The following MAB21L4 variants were observed in gnomAD, a reference collection of about 807,000 sequenced individuals.
The protein encoded by MAB21L4 is mab-21 like 4.
Under a neutral mutation model 32.4 loss-of-function variants are expected in MAB21L4, and 25 were observed. The ratio of observed to expected loss-of-function variants is 0.77; its 90% CI spans 0.56 to 1.08. MAB21L4 has a LOEUF of 1.08. Ranked by LOEUF, MAB21L4 falls within the 50% of genes least tolerant of loss-of-function variation. The pLI, the probability that MAB21L4 is intolerant of heterozygous loss-of-function variation, is 0.00. For missense variants in MAB21L4, 638 were observed against 611.0 expected (o/e 1.04, Z -0.47); for synonymous variants, 280 against 276.8 (o/e 1.01, Z -0.11).
intron 2 of MAB21L4, among the ~76,000 whole-genome samples, chr2:240,890,863 C>T (rs550297041): frequency 7.2e-5 from 11 of 152,344 alleles, no homozygotes; most frequent in East Asian, 5.8e-4. Context: ...GCCCCTGCCT[C>T]GCGTGAAGGG....
At chr2:240,890,859 G>C (rs74002518) in intron 2 of MAB21L4, among the ~76,000 whole-genome samples, 2,495 of 152,350 alleles carry the variant, frequency 0.016, 55 homozygotes, top group African/African-American at 0.056. Flanking sequence ...CGCCGCCCCT[G>C]CCTCGCGTGA....
rs764719870 is a variant in MAB21L4, at chr2:240,889,685, G to A, written c.894+320C>T. On this transcript the variant is annotated intron_variant, in intron 3 of 4. Transcript: ENST00000388934. ...GACACTGGGAGGAGGCTGGCTGGGC[G>A]GGAACACTGGGCTCTGTGAGGCCCC... Among the ~76,000 whole-genome samples, 77 of 152,192 alleles carry A rather than the reference G, an allele frequency of 5.1e-4. 1 individual carries two copies. The highest frequency in any genetic ancestry group is 4.9e-4 in the Non-Finnish European group (33 of 68,030).
At position 240,895,905 on chromosome 2, in the gene MAB21L4, C is replaced by A; in HGVS notation, c.93G>T (p.Pro31=). 1.3e-6 allele frequency: 2 copies of A among 1,522,164 alleles called. No individual in the cohort carries two copies. The highest frequency in any genetic ancestry group is 8.8e-7 in the Non-Finnish European group (1 of 1,134,168). 94.3% of individuals were successfully genotyped at this position (1,522,164 alleles called of 1,614,324 possible). Reference sequence around the variant, plus strand: ...CTGCGCGCTGGAAGTCCTGGGCACGCGGCGCCTCCCGGGACCGGATGGCCT... The same window carrying A: ...CTGCGCGCTGGAAGTCCTGGGCACGAGGCGCCTCCCGGGACCGGATGGCCT... ...YLQAIRSREA[P]RAQDFQRAEN... Residue 31 remains proline (P), a synonymous_variant, in exon 1 of 5, where the codon CCG becomes CCT. Coordinates refer to ENST00000388934, the MANE Select transcript of MAB21L4 (RefSeq NM_001085437.3).
chr2:240,894,366 C>G (rs1038087256), intron 1 of MAB21L4, among the ~76,000 whole-genome samples: 4 of 152,176 alleles, frequency 2.6e-5, no homozygotes, highest in African/African-American at 7.2e-5. Flanking sequence ...ACCTGACCCC[C>G]TGGAGGATGG....
Position 240,895,922 on chromosome 2 carries a change from G to A in MAB21L4, c.76C>T (p.Arg26Trp), listed in dbSNP as rs772783909. Residue 26 changes from arginine (R) to tryptophan (W), a missense_variant, in exon 1 of 5, where the codon CGG becomes TGG. Transcript: ENST00000388934. ...PLWHHYLQAI[R>W]SREAPRAQDF... ...TGGGCACGCGGCGCCTCCCGGGACC[G>A]GATGGCCTGCAGGTAGTGGTGCCAC... 33 of 1,509,888 alleles carry A rather than the reference G, an allele frequency of 2.2e-5. No homozygotes were observed. The highest frequency in any genetic ancestry group is 2.1e-4 in the Middle Eastern group (1 of 4,692). 93.5% of individuals were successfully genotyped at this position (1,509,888 alleles called of 1,614,324 possible). A position where few individuals can be genotyped will look rare whatever the true frequency, so the allele number is the denominator to read the frequency against.
chr2:240,894,074 A>G (rs2059171654), intron 1 of MAB21L4, among the ~76,000 whole-genome samples: 1 of 151,908 alleles, frequency 6.6e-6, no homozygotes, highest in Non-Finnish European at 1.5e-5. Flanking sequence ...CTGGCCTCCC[A>G]GCATGCAGAC....
At chr2:240,896,274 A>C (rs1574731270), upstream of MAB21L4, 1 of 679,544 alleles carries the variant, frequency 1.5e-6, no homozygotes. Flanking sequence ...TTTGGTTACC[A>C]CCCTCCTCCC....
chr2:240,888,706 C>A, intron 3 of MAB21L4, 58 bp from the exon 4 acceptor site: 13 of 1,260,906 alleles, frequency 1.0e-5, no homozygotes, highest in Non-Finnish European at 1.2e-5. Flanking sequence ...CCCTGTGCTC[C>A]CACCCTGCGC....
chr2:240,895,528 A>T lies in MAB21L4; in HGVS notation c.470T>A (p.Val157Glu). ...KVLCVLKDLL[V>E]AAIVHCKHHS... ...GTGCTTGCAGTGTACGATGGCTGCT[A>T]CCAGCAGGTCCTTGAGGACACACAG... The change falls in exon 1 of 5, where the codon GTA becomes GAA. Residue 157 changes from valine (V) to glutamate (E), a missense_variant. Val to Glu is a moderately radical substitution (Grantham distance 121). Transcript: ENST00000388934. 1 of 1,600,098 alleles carries T rather than the reference A, an allele frequency of 6.2e-7. No homozygotes were observed. Among genetic ancestry groups the T allele is most frequent in the Non-Finnish European group, 8.5e-7 (1 of 1,172,278 alleles).
rs573078865 is a variant in MAB21L4, at chr2:240,890,014, G to A, written c.885C>T (p.Gly295=). 2 of 1,610,260 alleles carry A rather than the reference G, an allele frequency of 1.2e-6. No individual in the cohort carries two copies. Among genetic ancestry groups the A allele is most frequent in the Non-Finnish European group, 8.5e-7 (1 of 1,177,398 alleles). ...GTCCCGCCCTGGGTACCTTCAGGTG[G>A]CCAAAGGTCAGGCCGTCAGTCTGGC... ...DSGQTDGLTF[G]HLKMVLLWAS... is the part of the protein sequence containing the mutation. Residue 295 remains glycine (G), a synonymous_variant, in exon 3 of 5, where the codon GGC becomes GGT. Transcript: ENST00000388934.
rs772781785 is a variant in MAB21L4, at chr2:240,891,632, C to T, written c.646G>A (p.Gly216Arg). 13 of 1,609,326 alleles carry T rather than the reference C, an allele frequency of 8.1e-6. No homozygotes were observed. Among genetic ancestry groups the T allele is most frequent in the Middle Eastern group, 1.7e-4 (1 of 6,058 alleles). The change falls in exon 2 of 5, where the codon GGG becomes AGG. Residue 216 changes from glycine to arginine, a missense_variant. By Grantham distance (125) the Gly-to-Arg change is moderately radical. Transcript: ENST00000388934. Reference sequence around the variant, plus strand: ...GGGAATCCGGGCATCTGCTGCACCCCCTCCAGGGCAGGCGCCCCAAGCTTC... The same window carrying T: ...GGGAATCCGGGCATCTGCTGCACCCTCTCCAGGGCAGGCGCCCCAAGCTTC... ...RRKLGAPALE[G>R]VQQMPGFPEG...
chr2:240,896,087 C>T lies in MAB21L4; in HGVS notation c.-90G>A. 2 of 1,376,940 alleles carry T rather than the reference C, an allele frequency of 1.5e-6. No homozygotes were observed. 85.3% of individuals were successfully genotyped at this position (1,376,940 alleles called of 1,614,324 possible). ...GATGGGCTGTGAGGAGGCACCTGCC[C>T]AGGTGAGCAGCAGGTCTGCAGGTGG... On this transcript the variant is annotated 5_prime_UTR_variant, in exon 1 of 5. Coordinates refer to ENST00000388934, the MANE Select transcript of MAB21L4 (RefSeq NM_001085437.3).
chr2:240,895,820 C>G lies in MAB21L4; in HGVS notation c.178G>C (p.Asp60His), dbSNP rs766973976. 33 of 1,592,994 alleles carry G rather than the reference C, an allele frequency of 2.1e-5. No individual in the cohort carries two copies. The highest frequency in any genetic ancestry group is 2.7e-5 in the Non-Finnish European group (32 of 1,167,344). Residue 60 changes from aspartate (D) to histidine (H), a missense_variant, in exon 1 of 5, where the codon GAC (aspartate) becomes CAC (histidine). Physicochemically the swap from Asp to His is moderately conservative, Grantham distance 81. Coordinates refer to ENST00000388934, the MANE Select transcript of MAB21L4 (RefSeq NM_001085437.3). ...AAGGCCTCCAGGCCACGGGAGTAGT[C>G]CACGATGAAGCGGGGGTCCAGGGCA... ...VHALDPRFIV[D>H]YSRGLEAFQF...
At position 240,894,380 on chromosome 2, in the gene MAB21L4, T is replaced by C. The variant is rs575779972; in HGVS notation, c.514+1104A>G. 9.9e-5 allele frequency among the ~76,000 whole-genome samples: 15 copies of C among 152,240 alleles called. No individual in the cohort carries two copies. In the South Asian group the frequency reaches 2.7e-3, roughly 27 times the overall value. On this transcript the variant is annotated intron_variant, in intron 1 of 4. Transcript: ENST00000388934. ...AACCTGACCCCCTGGAGGATGGCTG[T>C]ACCACTCAGGGTCCCCATCATCCTG...
At chr2:240,894,506 A>T (rs2059174337) in intron 1 of MAB21L4, among the ~76,000 whole-genome samples, 1 of 152,146 alleles carries the variant, frequency 6.6e-6, no homozygotes, top group East Asian at 1.9e-4. Flanking sequence ...GACCATATCA[A>T]CAAGGCCCCA....
Position 240,896,092 on chromosome 2 carries a change from G to GAA in MAB21L4, c.-96_-95insTT. On this transcript the variant is annotated 5_prime_UTR_variant, in exon 1 of 5. Transcript: ENST00000388934. ...GCTGTGAGGAGGCACCTGCCCAGGT[G>GAA]AGCAGCAGGTCTGCAGGTGGGGCCT... 2 of 1,336,876 alleles carry GAA rather than the reference G, an allele frequency of 1.5e-6. No individual in the cohort carries two copies. The highest frequency in any genetic ancestry group is 3.9e-5 in the South Asian group (2 of 50,768). The allele number at this position is 1,336,876 out of a possible 1,614,324, so 82.8% of individuals were successfully genotyped here. A position where few individuals can be genotyped will look rare whatever the true frequency, so the allele number is the denominator to read the frequency against.
intron 1 of MAB21L4, chr2:240,892,056 T>TGG (rs1483310885): frequency 1.0e-4 from 145 of 1,450,830 alleles, no homozygotes; most frequent in Non-Finnish European, 1.2e-4. Flanking sequence ...GCGTCCTACA[T>TGG]GAGGTTTTCC....
At position 240,895,930 on chromosome 2, in the gene MAB21L4, T is replaced by G; in HGVS notation, c.68A>C (p.Gln23Pro). The change falls in exon 1 of 5, where the codon CAG becomes CCG. Residue 23 changes from glutamine to proline, a missense_variant. Coordinates refer to ENST00000388934, the MANE Select transcript of MAB21L4 (RefSeq NM_001085437.3). Reference sequence around the variant, plus strand: ...CGGCGCCTCCCGGGACCGGATGGCCTGCAGGTAGTGGTGCCACAGGGGCAC... The same window carrying G: ...CGGCGCCTCCCGGGACCGGATGGCCGGCAGGTAGTGGTGCCACAGGGGCAC... The part of the protein sequence containing the change: ...VQVPLWHHYL[Q>P]AIRSREAPRA... The G allele has an allele frequency of 6.7e-7, 1 of 1,500,904 alleles. No individual in the cohort carries two copies. Among genetic ancestry groups the G allele is most frequent in the Non-Finnish European group, 8.9e-7 (1 of 1,127,312 alleles). The allele number at this position is 1,500,904 out of a possible 1,614,324, so 93.0% of individuals were successfully genotyped here. A position where few individuals can be genotyped will look rare whatever the true frequency, so the allele number is the denominator to read the frequency against.
Position 240,886,861 on chromosome 2 carries a change from T to C in MAB21L4, c.*209A>G. On this transcript the variant is annotated 3_prime_UTR_variant, in exon 5 of 5. Coordinates refer to ENST00000388934, the MANE Select transcript of MAB21L4 (RefSeq NM_001085437.3). Reference sequence around the variant, plus strand: ...GAGCTTGGCACCTGCATCCAGGCCCTGACCCAGGGAGGAGGTGCTCCAAGA... The same window carrying C: ...GAGCTTGGCACCTGCATCCAGGCCCCGACCCAGGGAGGAGGTGCTCCAAGA... The C allele has an allele frequency of 1.8e-6, 1 of 547,812 alleles. No individual in the cohort carries two copies. Among genetic ancestry groups the C allele is most frequent in the Non-Finnish European group, 3.2e-6 (1 of 308,316 alleles). The allele number at this position is 547,812 out of a possible 1,614,324, so 33.9% of individuals were successfully genotyped here. A position where few individuals can be genotyped will look rare whatever the true frequency, so the allele number is the denominator to read the frequency against.
Sources: gnomAD v4.1 joint callset for allele counts (sites outside exome capture counted in the v4.1 genomes callset) on GRCh38, gnomAD v4.1.1 for gene constraint, MANE v1.5 for transcripts, NCBI Gene and HGNC (gene_info 2026-07-23, HGNC 2026-07-21) for gene names.